LPAR1: variants seen among roughly 807,000 people sequenced by gnomAD.
The protein encoded by LPAR1 is LPA receptor 1.
Under a neutral mutation model 23.8 loss-of-function variants are expected in LPAR1, and 5 were observed. That is an observed-to-expected ratio of 0.21 (90% CI 0.11 to 0.44). The LOEUF (loss-of-function observed/expected upper bound fraction) is 0.44, where lower values mean the gene tolerates loss of function less well. Among genes scored for constraint, LPAR1 ranks in the 20% least tolerant of loss-of-function variants. The pLI, the probability that LPAR1 is intolerant of heterozygous loss-of-function variation, is 0.99. For missense variants in LPAR1, 311 were observed against 482.8 expected (o/e 0.64, Z 3.33); for synonymous variants, 160 against 164.7 (o/e 0.97, Z 0.22).
chr9:110,968,886 C>G (rs1050002329), intron 4 of LPAR1, among the ~76,000 whole-genome samples: 2 of 152,082 alleles, frequency 1.3e-5, no homozygotes, highest in Non-Finnish European at 2.9e-5. Flanking sequence ...ATAACCCTAT[C>G]AGGTTGGCTT....
At position 110,942,035 on chromosome 9, in the gene LPAR1, C is replaced by T. The variant is rs2095137629; in HGVS notation, c.179G>A (p.Cys60Tyr). 2 of 1,614,076 alleles carry T rather than the reference C, an allele frequency of 1.2e-6. No individual in the cohort carries two copies. Among genetic ancestry groups the T allele is most frequent in the South Asian group, 1.1e-5 (1 of 91,072 alleles). The change falls in exon 5 of 6, where the codon TGT becomes TAT. Residue 60 changes from cysteine (C) to tyrosine (Y), a missense_variant. Around this residue, in one of 2 missense-constraint regions of LPAR1, gnomAD observed 250 missense variants for 427.2 expected, o/e 0.59. Transcript: ENST00000683809. ...TAGGTTGGCCAACATGATGAAGATA[C>T]AAACAGTGATTCCAAGTCCCATCAC... is the stretch of plus-strand genomic sequence containing the variant. ...KLVMGLGITV[C>Y]IFIMLANLLV...
At chr9:110,937,793 C>A (rs2094824268) in intron 5 of LPAR1, among the ~76,000 whole-genome samples, 1 of 152,106 alleles carries the variant, frequency 6.6e-6, no homozygotes, top group Non-Finnish European at 1.5e-5. Flanking sequence ...ATCATGAAGA[C>A]TGAATAGGTC....
At chr9:110,988,658 G>A (rs1320203208) in intron 2 of LPAR1, among the ~76,000 whole-genome samples, 1 of 152,104 alleles carries the variant, frequency 6.6e-6, no homozygotes, top group Admixed American at 6.6e-5. Context: ...GGTTAAGAAT[G>A]TGGAGAAATT....
At chr9:111,030,196 T>C (rs2097771660) in intron 2 of LPAR1, among the ~76,000 whole-genome samples, 1 of 152,208 alleles carries the variant, frequency 6.6e-6, no homozygotes, top group East Asian at 1.9e-4. Context: ...AAGTCAGTCA[T>C]CTTGCCCTAG....
chr9:110,933,694 C>A (rs1019610654), intron 5 of LPAR1, among the ~76,000 whole-genome samples: 4 of 152,098 alleles, frequency 2.6e-5, no homozygotes, highest in Non-Finnish European at 4.4e-5. Context: ...TTACCTTTAA[C>A]GACAAGGAAA....
chr9:111,011,750 C>G (rs1305406134), intron 2 of LPAR1, among the ~76,000 whole-genome samples: 2 of 152,130 alleles, frequency 1.3e-5, no homozygotes, highest in Non-Finnish European at 2.9e-5. Context: ...TATGATGAAG[C>G]CCACTTGTTC....
intron 5 of LPAR1, among the ~76,000 whole-genome samples, chr9:110,896,379 T>G (rs2086336243): frequency 6.6e-6 from 1 of 152,244 alleles, no homozygotes; most frequent in African/African-American, 2.4e-5. Context: ...CATTTATATG[T>G]TATCTCTTTA....
intron 2 of LPAR1, among the ~76,000 whole-genome samples, chr9:111,014,606 T>C (rs1408959242): frequency 6.6e-6 from 1 of 152,152 alleles, no homozygotes; most frequent in Non-Finnish European, 1.5e-5. Context: ...GACTGAGTCA[T>C]GGCCTGAAGT....
At chr9:111,015,322 C>G (rs2097421770) in intron 2 of LPAR1, among the ~76,000 whole-genome samples, 1 of 152,182 alleles carries the variant, frequency 6.6e-6, no homozygotes, top group African/African-American at 2.4e-5. Context: ...ACTCCTCCCC[C>G]TCCCTCACCC....
intron 5 of LPAR1, among the ~76,000 whole-genome samples, chr9:110,900,025 A>T (rs2088137843): frequency 6.6e-6 from 1 of 152,230 alleles, no homozygotes; most frequent in Non-Finnish European, 1.5e-5. Context: ...GACAAATAGC[A>T]ACCCTCTTAA....
Position 110,960,192 on chromosome 9 carries a change from T to A in LPAR1, c.45+11881A>T, listed in dbSNP as rs777933020. Among the ~76,000 whole-genome samples, 173 of 152,212 alleles carry A rather than the reference T, an allele frequency of 1.1e-3. 1 individual carries two copies. Among genetic ancestry groups the A allele is most frequent in the Non-Finnish European group, 2.0e-3 (133 of 67,994 alleles). ...ACACATTGATATGGATAGGAACACA[T>A]GGATGTGTTCCCAACATATCTCAAC... On this transcript the variant is annotated intron_variant, in intron 4 of 5. Coordinates refer to ENST00000683809, the MANE Select transcript of LPAR1 (RefSeq NM_001351411.2).
chr9:110,960,006 G>T (rs2095901338), intron 4 of LPAR1, among the ~76,000 whole-genome samples: 1 of 152,100 alleles, frequency 6.6e-6, no homozygotes, highest in Admixed American at 6.6e-5. Context: ...GAAGGGTAAT[G>T]GGGAGGTGAG....
At chr9:111,022,772 C>T (rs2097581989) in intron 2 of LPAR1, among the ~76,000 whole-genome samples, 2 of 152,004 alleles carry the variant, frequency 1.3e-5, no homozygotes, top group Admixed American at 6.6e-5. Context: ...CTGCTATTGC[C>T]GGGCGCGGTG....
At chr9:110,973,804 C>T (rs796482453) in intron 2 of LPAR1, among the ~76,000 whole-genome samples, 1 of 152,154 alleles carries the variant, frequency 6.6e-6, no homozygotes, top group Non-Finnish European at 1.5e-5. Context: ...TTTAAAAATT[C>T]GTTTATTTTT....
chr9:110,892,389 G>A (rs1017449552), intron 5 of LPAR1, among the ~76,000 whole-genome samples: 6 of 152,132 alleles, frequency 3.9e-5, no homozygotes, highest in Non-Finnish European at 8.8e-5. Context: ...AGCTCAGGCC[G>A]GCACGGTGGC....
chr9:111,028,752 G>C (rs983811399), intron 2 of LPAR1, among the ~76,000 whole-genome samples: 1 of 151,928 alleles, frequency 6.6e-6, no homozygotes, highest in African/African-American at 2.4e-5. Flanking sequence ...CTCAAAGCGT[G>C]GTCTTTAGGC....
chr9:110,925,610 A>G (rs2093961366), intron 5 of LPAR1, among the ~76,000 whole-genome samples: 1 of 152,212 alleles, frequency 6.6e-6, no homozygotes, highest in Middle Eastern at 3.2e-3. Context: ...TCATCATTAT[A>G]CAGGCCTATA....
chr9:110,979,300 T>TA (rs896498214), intron 2 of LPAR1, among the ~76,000 whole-genome samples: 44 of 142,064 alleles, frequency 3.1e-4, no homozygotes, highest in Admixed American at 2.8e-4. Flanking sequence ...AATGTAGAGT[T>TA]AAAAAAAAAA....
At chr9:110,915,479 G>A (rs2134673990) in intron 5 of LPAR1, among the ~76,000 whole-genome samples, 1 of 152,258 alleles carries the variant, frequency 6.6e-6, no homozygotes, top group Admixed American at 6.5e-5. Flanking sequence ...CTGGGAGGTG[G>A]AGGTTGTAGT....
Sources: allele counts gnomAD v4.1 joint callset (sites outside exome capture counted in the v4.1 genomes callset), GRCh38; gene constraint gnomAD v4.1.1; regional missense constraint gnomAD v4.1.1; transcripts MANE v1.5; gene names NCBI Gene and HGNC (gene_info 2026-07-23, HGNC 2026-07-21).